The following BCKDHB variants were observed in gnomAD, a reference collection of about 807,000 sequenced individuals.
BCKDHB encodes 2-oxoisovalerate dehydrogenase subunit beta, mitochondrial.
In BCKDHB, 41 loss-of-function variants were observed where a neutral mutation model predicts 48.5. The ratio of observed to expected loss-of-function variants is 0.85; its 90% confidence interval spans 0.66 to 1.10. BCKDHB has a LOEUF of 1.10. Among genes scored for constraint, BCKDHB ranks in the 50% least tolerant of loss-of-function variants. The probability of loss-of-function intolerance (pLI) is 0.00; values close to 1 mark genes in which losing one functional copy is unlikely to be tolerated. For missense variants in BCKDHB, 496 were observed against 494.2 expected, an observed-to-expected ratio of 1.00 and a Z score of -0.03; for synonymous variants, 201 against 174.8, an observed-to-expected ratio of 1.15 and a Z score of -1.18.
At chr6:80,218,084 A>G (rs1282168103) in intron 8 of BCKDHB, among the ~76,000 whole-genome samples, 1 of 152,152 alleles carries the variant, frequency 6.6e-6, no homozygotes, top group African/African-American at 2.4e-5. Flanking sequence ...GGCATAAAAC[A>G]ATGTGCTGGG....
chr6:80,131,069 C>T (rs1770604426), intron 3 of BCKDHB, among the ~76,000 whole-genome samples: 1 of 152,208 alleles, frequency 6.6e-6, no homozygotes, highest in South Asian at 2.1e-4. Flanking sequence ...GTTGAGTCCT[C>T]TGCTGCCTGT....
At chr6:80,388,585 A>G in the BCKDHB span, among the ~76,000 whole-genome samples, 1 of 152,166 alleles carries the variant, frequency 6.6e-6, no homozygotes, top group African/African-American at 2.4e-5. Flanking sequence ...TGCAAGTAGT[A>G]TATACGTGGC....
chr6:80,234,535 A>G (rs182835454), intron 8 of BCKDHB, among the ~76,000 whole-genome samples: 7 of 152,324 alleles, frequency 4.6e-5, no homozygotes, highest in Admixed American at 4.6e-4. Flanking sequence ...AGCAGTAACA[A>G]TAGCTATGCT....
intron 8 of BCKDHB, among the ~76,000 whole-genome samples, chr6:80,251,154 G>A (rs1176683170): frequency 6.6e-6 from 1 of 152,076 alleles, no homozygotes; most frequent in African/African-American, 2.4e-5. Context: ...GTAAGCTTGG[G>A]AATTCTATTT....
chr6:80,394,059 G>T, the BCKDHB span, among the ~76,000 whole-genome samples: 12 of 152,104 alleles, frequency 7.9e-5, no homozygotes, highest in East Asian at 1.9e-3. Context: ...TGTTATTTTT[G>T]AGAAATCCTC....
chr6:80,393,881 G>A, the BCKDHB span, among the ~76,000 whole-genome samples: 1 of 152,164 alleles, frequency 6.6e-6, no homozygotes, highest in Non-Finnish European at 1.5e-5. Context: ...GGTGCTTCCT[G>A]AGAAAAGGTG....
intron 9 of BCKDHB, among the ~76,000 whole-genome samples, chr6:80,291,582 T>C (rs900499952): frequency 2.6e-5 from 4 of 152,170 alleles, no homozygotes; most frequent in South Asian, 2.1e-4. Flanking sequence ...CAAGCTGATA[T>C]GGGGTTACTA....
At chr6:80,259,876 A>T (rs774772936) in intron 8 of BCKDHB, among the ~76,000 whole-genome samples, 6 of 152,188 alleles carry the variant, frequency 3.9e-5, no homozygotes, top group Non-Finnish European at 7.3e-5. Context: ...AACCTCTGGG[A>T]CCATGACAGT....
chr6:80,444,416 T>C, the BCKDHB span, among the ~76,000 whole-genome samples: 1 of 152,194 alleles, frequency 6.6e-6, no homozygotes, highest in Admixed American at 6.5e-5. Flanking sequence ...TTGATACTTA[T>C]TAAAATAATT....
chr6:80,250,750 A>T (rs1696947547), intron 8 of BCKDHB, among the ~76,000 whole-genome samples: 1 of 152,138 alleles, frequency 6.6e-6, no homozygotes, highest in Non-Finnish European at 1.5e-5. Flanking sequence ...CCATCTTATA[A>T]GAGTCCATGG....
chr6:80,431,870 T>C, the BCKDHB span, among the ~76,000 whole-genome samples: 10 of 152,364 alleles, frequency 6.6e-5, no homozygotes, highest in African/African-American at 2.2e-4. Flanking sequence ...CTTCAGGAGC[T>C]CTTGTAAGGC....
chr6:80,279,925 A>G (rs533241298), intron 9 of BCKDHB, among the ~76,000 whole-genome samples: 1 of 152,312 alleles, frequency 6.6e-6, no homozygotes, highest in South Asian at 2.1e-4. Context: ...CATATGTGGC[A>G]GCTAAGTTAA....
the BCKDHB span, among the ~76,000 whole-genome samples, chr6:80,452,942 G>A: frequency 4.0e-4 from 61 of 152,068 alleles, no homozygotes; most frequent in African/African-American, 1.3e-3. Context: ...TGTCTGCCAC[G>A]AATTACATTC....
intron 8 of BCKDHB, among the ~76,000 whole-genome samples, chr6:80,267,276 T>C (rs1013947802): frequency 6.6e-6 from 1 of 152,098 alleles, no homozygotes; most frequent in Non-Finnish European, 1.5e-5. Context: ...GTGTGCTGCC[T>C]TCACCTTATT....
At chr6:80,182,951 T>C (rs1254442847) in intron 6 of BCKDHB, among the ~76,000 whole-genome samples, 1 of 152,216 alleles carries the variant, frequency 6.6e-6, no homozygotes, top group East Asian at 1.9e-4. Flanking sequence ...ATTCATTTTA[T>C]AGTCATAAAA....
At position 80,167,744 on chromosome 6, in the gene BCKDHB, C is replaced by A. The variant is rs776631396; in HGVS notation, c.410C>A (p.Ala137Glu). 2 of 1,612,864 alleles carry A rather than the reference C, an allele frequency of 1.2e-6. No homozygotes were observed. Among genetic ancestry groups the A allele is most frequent in the Non-Finnish European group, 8.5e-7 (1 of 1,178,944 alleles). The part of the protein sequence containing the change: ...QGIVGFGIGI[A>E]VTGATAIAEI... Reference sequence around the variant, plus strand: ...ATTGTTGGATTTGGAATCGGAATTGCGGTCACTGGAGCTACTGCCATTGCG... The same window carrying A: ...ATTGTTGGATTTGGAATCGGAATTGAGGTCACTGGAGCTACTGCCATTGCG... The change falls in exon 4 of 10, where the codon GCG (alanine) becomes GAG (glutamate). Residue 137 changes from alanine (A) to glutamate (E), a missense_variant. By Grantham distance (107) the Ala-to-Glu change is moderately radical (BLOSUM62 -1). Transcript: ENST00000320393.
At chr6:80,116,430 G>A (rs1401457245) in intron 1 of BCKDHB, among the ~76,000 whole-genome samples, 1 of 152,154 alleles carries the variant, frequency 6.6e-6, no homozygotes, top group Non-Finnish European at 1.5e-5. Context: ...TATTTATTTA[G>A]CACCTATTAC....
At chr6:80,343,245 T>C (rs534196875) in intron 9 of BCKDHB, among the ~76,000 whole-genome samples, 1 of 152,314 alleles carries the variant, frequency 6.6e-6, no homozygotes, top group Admixed American at 6.5e-5. Context: ...ATTACAAACA[T>C]TTATTATGAA....
chr6:80,356,293 A>G, the BCKDHB span: 4 of 152,194 alleles, frequency 2.6e-5, no homozygotes, highest in African/African-American at 9.6e-5. Flanking sequence ...TAAGGGAAGA[A>G]CTCATGTCCA....
Sources: allele counts gnomAD v4.1 joint callset (sites outside exome capture counted in the v4.1 genomes callset), GRCh38; gene constraint gnomAD v4.1.1; transcripts MANE v1.5; gene names NCBI Gene and HGNC (gene_info 2026-07-23, HGNC 2026-07-21).